The following TRERF1 variants were observed in gnomAD, a reference collection of about 807,000 sequenced individuals.
TRERF1 encodes transcriptional-regulating factor 1.
Under a neutral mutation model 122.9 loss-of-function variants are expected in TRERF1, and 27 were observed. The observed-to-expected ratio is 0.22, with a 90% CI of 0.16 to 0.30. TRERF1 has a LOEUF of 0.30. TRERF1 is among the 10% of genes least tolerant of loss of function. The pLI is 1.00. For synonymous variants in TRERF1, 636 were observed against 641.7 expected (o/e 0.99, Z 0.13); for missense variants, 1,248 against 1,560.3 (o/e 0.80, Z 3.37).
At chr6:42,349,505 G>A (rs908975526) in intron 3 of TRERF1, among the ~76,000 whole-genome samples, 15 of 152,040 alleles carry the variant, frequency 9.9e-5, no homozygotes, top group Admixed American at 3.3e-4. Context: ...AACTCCTCAC[G>A]AAACCTGTGG....
At chr6:42,388,224 CTTT>C (rs112638565) in intron 2 of TRERF1, among the ~76,000 whole-genome samples, 2 of 136,460 alleles carry the variant, frequency 1.5e-5, no homozygotes, top group Non-Finnish European at 1.6e-5. Flanking sequence ...TGATTTCTTT[CTTT>C]TTTTTTTTTT....
chr6:42,397,346 A>G (rs1453339225), intron 2 of TRERF1, among the ~76,000 whole-genome samples: 1 of 152,182 alleles, frequency 6.6e-6, no homozygotes, highest in African/African-American at 2.4e-5. Flanking sequence ...GGGTCAAATG[A>G]CAGGACACAG....
At chr6:42,248,780 C>T (rs1210898104) in intron 13 of TRERF1, among the ~76,000 whole-genome samples, 3 of 152,098 alleles carry the variant, frequency 2.0e-5, no homozygotes, top group Non-Finnish European at 4.4e-5. Context: ...AACACGGAGC[C>T]TCAGGGGGGC....
At chr6:42,388,555 C>T (rs746760961) in intron 2 of TRERF1, among the ~76,000 whole-genome samples, 12 of 152,054 alleles carry the variant, frequency 7.9e-5, no homozygotes, top group Non-Finnish European at 1.6e-4. Flanking sequence ...AAGTTTCATC[C>T]ACCTGAAAAA....
In TRERF1 at chr6:42,307,347, A is replaced by G. The variant is rs1787444092; in HGVS notation, c.-370-6598T>C. 2.0e-5 allele frequency among the ~76,000 whole-genome samples: 3 copies of G among 152,196 alleles called. No individual in the cohort carries two copies. In the South Asian group the frequency reaches 6.2e-4, roughly 32 times the overall value. On this transcript the variant is annotated intron_variant, in intron 3 of 17. Coordinates refer to ENST00000372922, the Ensembl canonical transcript of TRERF1. Reference sequence around the variant, plus strand: ...TATTCAGGTTTATCACGTTCATCCTAAGGGCCACAGGATTAACTTGATGTG... The same window carrying G: ...TATTCAGGTTTATCACGTTCATCCTGAGGGCCACAGGATTAACTTGATGTG...
intron 3 of TRERF1, among the ~76,000 whole-genome samples, chr6:42,335,623 C>T (rs1766008038): frequency 6.6e-6 from 1 of 152,110 alleles, no homozygotes. Flanking sequence ...TGACTGAATG[C>T]CACTGATGCA....
chr6:42,340,070 G>A (rs1766963422), intron 3 of TRERF1, among the ~76,000 whole-genome samples: 1 of 152,100 alleles, frequency 6.6e-6, no homozygotes, highest in Admixed American at 6.5e-5. Flanking sequence ...GCTAAGTCTT[G>A]TCCTATCCTC....
chr6:42,338,366 G>A (rs149338156), intron 3 of TRERF1, among the ~76,000 whole-genome samples: 3,515 of 152,278 alleles, frequency 0.023, 52 homozygotes, highest in Middle Eastern at 0.075. Flanking sequence ...GGAGACCTGG[G>A]TCACGGGACG....
At chr6:42,365,073 G>A (rs896731926) in intron 2 of TRERF1, among the ~76,000 whole-genome samples, 1 of 152,182 alleles carries the variant, frequency 6.6e-6, no homozygotes, top group Admixed American at 6.5e-5. Flanking sequence ...AATATTTTCA[G>A]TGAACACAGA....
chr6:42,391,710 C>T (rs1777769090), intron 2 of TRERF1, among the ~76,000 whole-genome samples: 1 of 152,124 alleles, frequency 6.6e-6, no homozygotes, highest in Non-Finnish European at 1.5e-5. Flanking sequence ...TCTGCCCCCA[C>T]CTTCACCCTC....
At chr6:42,340,447 T>G (rs1767040533) in intron 3 of TRERF1, among the ~76,000 whole-genome samples, 1 of 152,184 alleles carries the variant, frequency 6.6e-6, no homozygotes, top group African/African-American at 2.4e-5. Flanking sequence ...CAACGTCTAC[T>G]TATCAGCCCA....
intron 3 of TRERF1, among the ~76,000 whole-genome samples, chr6:42,314,098 T>C (rs1259213446): frequency 6.6e-6 from 1 of 151,982 alleles, no homozygotes; most frequent in Non-Finnish European, 1.5e-5. Context: ...GGTGCCATAG[T>C]GGTGGTCCTG....
chr6:42,362,556 A>G (rs1365776787), intron 3 of TRERF1, among the ~76,000 whole-genome samples: 2 of 152,250 alleles, frequency 1.3e-5, no homozygotes, highest in East Asian at 1.9e-4. Flanking sequence ...AGGGATCATG[A>G]GGCCAGACCT....
intron 16 of TRERF1, among the ~76,000 whole-genome samples, chr6:42,235,597 C>T (rs1197612878): frequency 2.6e-5 from 4 of 152,204 alleles, no homozygotes; most frequent in Non-Finnish European, 5.9e-5. Context: ...CACTCCCTTT[C>T]AGCCTGTTTA....
intron 3 of TRERF1, among the ~76,000 whole-genome samples, chr6:42,356,684 C>T (rs904935906): frequency 2.0e-5 from 3 of 152,178 alleles, no homozygotes; most frequent in Admixed American, 6.5e-5. Context: ...AAGCGATTCT[C>T]TTGCCTCAGC....
At chr6:42,241,726 T>C (rs112149443) in intron 15 of TRERF1, among the ~76,000 whole-genome samples, 6,233 of 152,224 alleles carry the variant, frequency 0.041, 421 homozygotes, top group African/African-American at 0.14. Context: ...CCTCCCAAAC[T>C]GCTGGGATTA....
At chr6:42,373,221 C>T (rs1289839178) in intron 2 of TRERF1, among the ~76,000 whole-genome samples, 1 of 152,202 alleles carries the variant, frequency 6.6e-6, no homozygotes, top group Non-Finnish European at 1.5e-5. Context: ...GTGGACTGGG[C>T]ACATCCTGAG....
At position 42,276,290 on chromosome 6, in the gene TRERF1, C is replaced by T. The variant is rs1781130168; in HGVS notation, c.-258-6442G>A. On this transcript the variant is annotated intron_variant, in intron 4 of 17. Coordinates refer to ENST00000372922, the Ensembl canonical transcript of TRERF1. The surrounding 1 kb of genome is among the most constrained non-coding windows in gnomAD (Gnocchi z 4.3). ...CGGAGGTCTCCGCAGGACTTGTTTG[C>T]TTACAATTCAGAAGGGGTAACACCC... 6.6e-6 allele frequency among the ~76,000 whole-genome samples: 1 copy of T among 152,258 alleles called. No homozygotes were observed. The highest frequency in any genetic ancestry group is 2.1e-4 in the South Asian group (1 of 4,838).
intron 3 of TRERF1, among the ~76,000 whole-genome samples, chr6:42,347,693 G>A (rs578252345): frequency 7.2e-5 from 11 of 152,210 alleles, no homozygotes; most frequent in Middle Eastern, 3.4e-3. Flanking sequence ...AAGAAAAGCG[G>A]TAAGACCAAG....
Sources: allele counts gnomAD v4.1 joint callset (sites outside exome capture counted in the v4.1 genomes callset), GRCh38; gene constraint gnomAD v4.1.1; non-coding constraint Gnocchi (gnomAD v3.1); transcripts MANE v1.5; gene names NCBI Gene and HGNC (gene_info 2026-07-23, HGNC 2026-07-21).